Variants in TRIM26 observed in about 807,000 individuals in gnomAD.
TRIM26 encodes the protein tripartite motif-containing protein 26.
TRIM26 carries 16 observed loss-of-function variants against 45.5 expected under a neutral mutation model. The observed-to-expected ratio is 0.35, with a 90% CI of 0.24 to 0.53. The LOEUF is 0.53. Among genes scored for constraint, TRIM26 ranks in the 20% least tolerant of loss-of-function variants. The probability of loss-of-function intolerance (pLI) is 0.92; values close to 1 mark genes in which losing one functional copy is unlikely to be tolerated. For synonymous variants in TRIM26, 273 were observed against 290.4 expected (o/e 0.94, Z 0.61); for missense variants, 442 against 691.1 (o/e 0.64, Z 4.04).
Position 30,190,150 on chromosome 6 carries a change from T to G in TRIM26, c.766-115A>C, listed in dbSNP as rs1775671701. ...ATATCAGTGAACAAAACAAATGTGG[T>G]CCCTTTTTTATGGAGCTGACATTCC... On this transcript the variant is annotated intron_variant, in intron 6 of 9. Transcript: ENST00000454678. The surrounding 1 kb of genome is among the most constrained non-coding windows in gnomAD (Gnocchi z 4.3). 8.5e-7 allele frequency: 1 copy of G among 1,174,256 alleles called. No homozygotes were observed. The highest frequency in any genetic ancestry group is 1.3e-5 in the South Asian group (1 of 77,078). 72.7% of individuals were successfully genotyped at this position (1,174,256 alleles called of 1,614,324 possible).
At position 30,190,211 on chromosome 6, in the gene TRIM26, C is replaced by G. The variant is rs1775681150; in HGVS notation, c.766-176G>C. 2.9e-6 allele frequency: 2 copies of G among 679,024 alleles called. No individual in the cohort carries two copies. Among genetic ancestry groups the G allele is most frequent in the Non-Finnish European group, 5.0e-6 (2 of 398,408 alleles). 42.1% of individuals were successfully genotyped at this position (679,024 alleles called of 1,614,324 possible). On this transcript the variant is annotated intron_variant, in intron 6 of 9. Coordinates refer to ENST00000454678, the MANE Select transcript of TRIM26 (RefSeq NM_003449.5). The surrounding 1 kb of genome is among the most constrained non-coding windows in gnomAD (Gnocchi z 4.3). Reference sequence around the variant, plus strand: ...CTGCATAAAACAACAAGAAAACAAACAAAATCGGCACAATGACAGAAGCCA... The same window carrying G: ...CTGCATAAAACAACAAGAAAACAAAGAAAATCGGCACAATGACAGAAGCCA...
rs192147795 is a variant in TRIM26 at position 30,192,294 on chromosome 6, A to C, written c.766-2259T>G. Among the ~76,000 whole-genome samples the C allele has an allele frequency of 1.5e-4, 23 of 152,296 alleles. 1 individual carries two copies. The highest frequency in any genetic ancestry group is 2.9e-5 in the Non-Finnish European group (2 of 68,014). On this transcript the variant is annotated intron_variant, in intron 6 of 9. Coordinates refer to ENST00000454678, the MANE Select transcript of TRIM26 (RefSeq NM_003449.5). ...GGTTACTAAGAGAGAGCATCAAGAAAGTTCTTCACGGGGGTGTACAGCAGG... is the reference window on the plus strand; with the variant it reads ...GGTTACTAAGAGAGAGCATCAAGAACGTTCTTCACGGGGGTGTACAGCAGG...
At chr6:30,195,883 G>A (rs1776410159) in intron 6 of TRIM26, among the ~76,000 whole-genome samples, 1 of 152,310 alleles carries the variant, frequency 6.6e-6, no homozygotes, top group East Asian at 1.9e-4. Flanking sequence ...CTCCCGGGGG[G>A]GAGGAGATGT....
In TRIM26 at chr6:30,189,959, G is replaced by C. The variant is rs1393337104; in HGVS notation, c.788+54C>G. On this transcript the variant is annotated intron_variant, in intron 7 of 9. Coordinates refer to ENST00000454678, the MANE Select transcript of TRIM26 (RefSeq NM_003449.5). The surrounding 1 kb of genome is among the most constrained non-coding windows in gnomAD (Gnocchi z 5.0). Reference sequence around the variant, plus strand: ...AATTCAAATGCACCTGGTCAGAAGCGGGGGAACATAAACAAGGGGGATGAG... The same window carrying C: ...AATTCAAATGCACCTGGTCAGAAGCCGGGGAACATAAACAAGGGGGATGAG... 1 of 1,606,568 alleles carries C rather than the reference G, an allele frequency of 6.2e-7. No individual in the cohort carries two copies. The highest frequency in any genetic ancestry group is 8.5e-7 in the Non-Finnish European group (1 of 1,174,432).
chr6:30,196,774 C>T lies in TRIM26; in HGVS notation c.535-28G>A. On this transcript the variant is annotated intron_variant, in intron 5 of 9. Transcript: ENST00000454678. This position sits in a 1 kb window ranked among gnomAD's most constrained non-coding sequence, Gnocchi z 4.9. Reference sequence around the variant, plus strand: ...GCAGGGGGCAGGAAGGGGAGAAGGGCTGACACCTCTGCTCAGGGTGGAGGG... The same window carrying T: ...GCAGGGGGCAGGAAGGGGAGAAGGGTTGACACCTCTGCTCAGGGTGGAGGG... 6.2e-7 allele frequency: 1 copy of T among 1,611,008 alleles called. No homozygotes were observed. Among genetic ancestry groups the T allele is most frequent in the East Asian group, 2.2e-5 (1 of 44,830 alleles).
Position 30,186,806 on chromosome 6 carries a change from G to T in TRIM26, c.938-248C>A. 2 of 1,096,342 alleles carry T rather than the reference G, an allele frequency of 1.8e-6. No homozygotes were observed. The highest frequency in any genetic ancestry group is 1.3e-5 in the South Asian group (1 of 74,080). The allele number at this position is 1,096,342 out of a possible 1,614,324, so 67.9% of individuals were successfully genotyped here. ...ACTGAAATTTAACTTGACTGTTTTCGCTTACGCTCTGATTCCAAACAAAAC... is the reference window on the plus strand; with the variant it reads ...ACTGAAATTTAACTTGACTGTTTTCTCTTACGCTCTGATTCCAAACAAAAC... On this transcript the variant is annotated intron_variant, in intron 9 of 9. Coordinates refer to ENST00000454678, the MANE Select transcript of TRIM26 (RefSeq NM_003449.5). This position sits in a 1 kb window ranked among gnomAD's most constrained non-coding sequence, Gnocchi z 7.4.
chr6:30,192,503 C>A lies in TRIM26; in HGVS notation c.766-2468G>T, dbSNP rs527447630. Among the ~76,000 whole-genome samples the A allele has an allele frequency of 2.0e-5, 3 of 152,230 alleles. No homozygotes were observed. The South Asian group carries it at 6.2e-4, about 32-fold the overall frequency. Reference sequence around the variant, plus strand: ...CTATCAAAAGGTCTCTTCTATTTTACACATTTTGTCCTGCTGCTTCTCCCT... The same window carrying A: ...CTATCAAAAGGTCTCTTCTATTTTAAACATTTTGTCCTGCTGCTTCTCCCT... On this transcript the variant is annotated intron_variant, in intron 6 of 9. Transcript: ENST00000454678.
chr6:30,196,403 T>C lies in TRIM26; in HGVS notation c.765+113A>G. ...GCAGCAGTAAGGATTATCATCTCCA[T>C]GTTTCAGATGACAAAACTGAGCCCC... On this transcript the variant is annotated intron_variant, in intron 6 of 9. Transcript: ENST00000454678. The surrounding 1 kb of genome is among the most constrained non-coding windows in gnomAD (Gnocchi z 4.9). The C allele has an allele frequency of 2.2e-5, 22 of 981,646 alleles. No individual in the cohort carries two copies. Among genetic ancestry groups the C allele is most frequent in the Non-Finnish European group, 2.7e-5 (18 of 660,348 alleles). 60.8% of individuals were successfully genotyped at this position (981,646 alleles called of 1,614,324 possible). A position where few individuals can be genotyped will look rare whatever the true frequency, so the allele number is the denominator to read the frequency against.
Position 30,190,135 on chromosome 6 carries a change from AC to A in TRIM26, c.766-101del. 7.5e-7 allele frequency: 1 copy of A among 1,335,550 alleles called. No individual in the cohort carries two copies. The highest frequency in any genetic ancestry group is 1.2e-5 in the South Asian group (1 of 82,354). The allele number at this position is 1,335,550 out of a possible 1,614,324, so 82.7% of individuals were successfully genotyped here. ...TAGCAGAGATGGGACATATCAGTGA[AC>A]AAAACAAATGTGGTCCCTTTTTTAT... On this transcript the variant is annotated intron_variant, in intron 6 of 9. Transcript: ENST00000454678. The surrounding 1 kb of genome is among the most constrained non-coding windows in gnomAD (Gnocchi z 4.3).
At chr6:30,195,516 G>A (rs943301051) in intron 6 of TRIM26, among the ~76,000 whole-genome samples, 2 of 152,154 alleles carry the variant, frequency 1.3e-5, no homozygotes, top group African/African-American at 4.8e-5. Flanking sequence ...ATCAGTAGGG[G>A]CTGAACTGGA....
chr6:30,196,826 G>C lies in TRIM26; in HGVS notation c.535-80C>G, dbSNP rs1459477742. ...CCAGTGCTGGAGGTGTGCAAGGCTG[G>C]CTCGTTCACCTCGCTACCCCCGTTC... On this transcript the variant is annotated intron_variant, in intron 5 of 9. Coordinates refer to ENST00000454678, the MANE Select transcript of TRIM26 (RefSeq NM_003449.5). This position sits in a 1 kb window ranked among gnomAD's most constrained non-coding sequence, Gnocchi z 4.9. 7.0e-7 allele frequency: 1 copy of C among 1,437,460 alleles called. No individual in the cohort carries two copies. The highest frequency in any genetic ancestry group is 2.3e-5 in the East Asian group (1 of 42,724). The allele number at this position is 1,437,460 out of a possible 1,614,324, so 89.0% of individuals were successfully genotyped here. A position where few individuals can be genotyped will look rare whatever the true frequency, so the allele number is the denominator to read the frequency against.
In TRIM26 at chr6:30,189,668, A is replaced by G. The variant is rs903268211; in HGVS notation, c.789-135T>C. ...ATCCCCAAACAAGTGACAGAAAAACAGTGGCCCAAAGACACCAGCTGAACC... is the reference window on the plus strand; with the variant it reads ...ATCCCCAAACAAGTGACAGAAAAACGGTGGCCCAAAGACACCAGCTGAACC... On this transcript the variant is annotated intron_variant, in intron 7 of 9. Coordinates refer to ENST00000454678, the MANE Select transcript of TRIM26 (RefSeq NM_003449.5). This position sits in a 1 kb window ranked among gnomAD's most constrained non-coding sequence, Gnocchi z 5.0. 4 of 771,294 alleles carry G rather than the reference A, an allele frequency of 5.2e-6. No individual in the cohort carries two copies. The highest frequency in any genetic ancestry group is 1.7e-5 in the African/African-American group (1 of 57,720). 47.8% of individuals were successfully genotyped at this position (771,294 alleles called of 1,614,324 possible).
chr6:30,189,596 C>T lies in TRIM26; in HGVS notation c.789-63G>A. ...TCTTCTTACTTTCCTTCATACTTAT[C>T]TCTCAATCCTCATGGCAATTATGAA... On this transcript the variant is annotated intron_variant, in intron 7 of 9. Transcript: ENST00000454678. The surrounding 1 kb of genome is among the most constrained non-coding windows in gnomAD (Gnocchi z 5.0). 1 of 1,333,698 alleles carries T rather than the reference C, an allele frequency of 7.5e-7. No individual in the cohort carries two copies. The highest frequency in any genetic ancestry group is 1.1e-6 in the Non-Finnish European group (1 of 931,084). The allele number at this position is 1,333,698 out of a possible 1,614,324, so 82.6% of individuals were successfully genotyped here. A position where few individuals can be genotyped will look rare whatever the true frequency, so the allele number is the denominator to read the frequency against.
In TRIM26 at chr6:30,198,823, C is replaced by G. The variant is rs141504131; in HGVS notation, c.281G>C (p.Arg94Pro). The stretch of plus-strand genomic sequence containing the variant: ...GCACAACTTTGCATCCTGCTGCTCC[C>G]GGGTCACCTCTCCCGGCTGCCTGCC... ...DKGRQPGEVT[R>P]EQQDAKLCER... Residue 94 changes from arginine to proline, a missense_variant, in exon 4 of 10, where the codon CGG (arginine) becomes CCG (proline). Transcript: ENST00000454678. The surrounding 1 kb of genome is among the most constrained non-coding windows in gnomAD (Gnocchi z 6.3). 2.5e-6 allele frequency: 4 copies of G among 1,612,176 alleles called. No individual in the cohort carries two copies. The African/African-American group carries it at 5.3e-5, about 22-fold the overall frequency.
rs1336988230 is a variant in TRIM26, at chr6:30,190,549, C to T, written c.766-514G>A. ...TTCCTCCTTTTAATAATAGAACCCC[C>T]GGAGTTATTGCTGGTCAGGCGGCCA... On this transcript the variant is annotated intron_variant, in intron 6 of 9. Coordinates refer to ENST00000454678, the MANE Select transcript of TRIM26 (RefSeq NM_003449.5). This position sits in a 1 kb window ranked among gnomAD's most constrained non-coding sequence, Gnocchi z 4.3. Among the ~76,000 whole-genome samples the T allele has an allele frequency of 6.6e-6, 1 of 152,140 alleles. No homozygotes were observed. The highest frequency in any genetic ancestry group is 2.4e-5 in the African/African-American group (1 of 41,422).
At chr6:30,205,377 A>G (rs1777624208) in intron 1 of TRIM26, among the ~76,000 whole-genome samples, 1 of 152,124 alleles carries the variant, frequency 6.6e-6, no homozygotes, top group South Asian at 2.1e-4. Context: ...ACCTTTCTCT[A>G]AGAGGTTCCC....
rs145333937 is a variant in TRIM26 at position 30,187,347 on chromosome 6, G to A, written c.938-789C>T. On this transcript the variant is annotated intron_variant, in intron 9 of 9. Coordinates refer to ENST00000454678, the MANE Select transcript of TRIM26 (RefSeq NM_003449.5). ...TGTCATCCACGGGATTAGAAAAGAG[G>A]GCATTCAGGCATTCGGCAACTCCTG... 2.8e-3 allele frequency: 904 copies of A among 327,054 alleles called. 1 individual carries two copies. The highest frequency in any genetic ancestry group is 0.011 in the African/African-American group (507 of 44,954). 20.3% of individuals were successfully genotyped at this position (327,054 alleles called of 1,614,324 possible).
intron 6 of TRIM26, among the ~76,000 whole-genome samples, chr6:30,193,187 T>A (rs1312889323): frequency 0.02 from 1,807 of 90,752 alleles, 113 homozygotes; most frequent in African/African-American, 0.026. Context: ...TATATATTTT[T>A]TTTTTTTTTT....
Position 30,189,542 on chromosome 6 carries a change from A to T in TRIM26, c.789-9T>A. ...ACTTCTTCCGTGGATACCTAAGAAG[A>T]TGACATACATAACAAGCTGTTACTC... is the stretch of plus-strand genomic sequence containing the variant. On this transcript the variant is annotated splice_polypyrimidine_tract_variant and intron_variant, in intron 7 of 9. Coordinates refer to ENST00000454678, the MANE Select transcript of TRIM26 (RefSeq NM_003449.5). This position sits in a 1 kb window ranked among gnomAD's most constrained non-coding sequence, Gnocchi z 5.0. The T allele has an allele frequency of 6.2e-7, 1 of 1,603,198 alleles. No homozygotes were observed. Among genetic ancestry groups the T allele is most frequent in the Non-Finnish European group, 8.5e-7 (1 of 1,171,130 alleles).
Sources: allele counts gnomAD v4.1 joint callset (sites outside exome capture counted in the v4.1 genomes callset), GRCh38; gene constraint gnomAD v4.1.1; non-coding constraint Gnocchi (gnomAD v3.1); transcripts MANE v1.5; gene names NCBI Gene and HGNC (gene_info 2026-07-23, HGNC 2026-07-21).